Variants in PRDM16 observed in about 807,000 individuals in gnomAD.
PRDM16 encodes histone-lysine N-methyltransferase PRDM16.
In PRDM16, 23 loss-of-function variants were observed where a neutral mutation model predicts 110.6. The ratio of observed to expected loss-of-function variants is 0.21; its 90% CI spans 0.15 to 0.29. The LOEUF (loss-of-function observed/expected upper bound fraction) is 0.29, where lower values mean the gene tolerates loss of function less well. Ranked by LOEUF, PRDM16 falls within the 10% of genes least tolerant of loss-of-function variation. PRDM16 has a pLI of 1.00. For missense variants in PRDM16, 1,615 were observed against 1,794.3 expected (o/e 0.90, Z 1.81); for synonymous variants, 799 against 781.8 (o/e 1.02, Z -0.37).
At chr1:3,314,316 A>T (rs1344921956) in intron 3 of PRDM16, among the ~76,000 whole-genome samples, 1 of 151,996 alleles carries the variant, frequency 6.6e-6, no homozygotes, top group African/African-American at 2.4e-5. Context: ...TGTGCCCTAG[A>T]CTGTTTCTGA....
chr1:3,324,560 G>C (rs1428291210), intron 3 of PRDM16, among the ~76,000 whole-genome samples: 1 of 152,142 alleles, frequency 6.6e-6, no homozygotes. Context: ...AGGTTCCCCT[G>C]TGACAACATC....
chr1:3,394,621 A>AGGGCCCGGGCCAGGCCACCTGCCCC, intron 4 of PRDM16: 1 of 342,794 alleles, frequency 2.9e-6, no homozygotes, highest in Non-Finnish European at 5.9e-6. Context: ...TCTCCTGCCC[A>AGGGCCCGGGCCAGGCCACCTGCCCC]GGGCCCGGGC....
chr1:3,091,807 G>A (rs577839615), intron 1 of PRDM16, among the ~76,000 whole-genome samples: 7 of 152,188 alleles, frequency 4.6e-5, no homozygotes, highest in Non-Finnish European at 7.4e-5. Context: ...CTGATGGAGG[G>A]GCCCCCACTT....
chr1:3,356,829 T>C (rs896053615), intron 3 of PRDM16, among the ~76,000 whole-genome samples: 15 of 152,124 alleles, frequency 9.9e-5, no homozygotes, highest in Admixed American at 9.2e-4. Context: ...GTTCCTTATC[T>C]CCAGCTCTGG....
In PRDM16 at chr1:3,327,294, C is replaced by T. The variant is rs566245021; in HGVS notation, c.439-57858C>T. 7.9e-5 allele frequency among the ~76,000 whole-genome samples: 12 copies of T among 152,282 alleles called. No homozygotes were observed. In the South Asian group the frequency reaches 1.7e-3, roughly 21 times the overall value. The stretch of plus-strand genomic sequence containing the variant: ...CCTGTGAGGTCTTTGCTGGAGGAGG[C>T]GGCACCACAGGCCGGCTGGAGAGGC... On this transcript the variant is annotated intron_variant, in intron 3 of 16. Transcript: ENST00000270722.
rs1314866252 is a variant in PRDM16, at chr1:3,437,766, A to C, written c.*3955A>C. ...ACTTTTGGAAAAAAATAAATAAATA[A>C]ATAAATAAAAGGCAGCTTGAGTTTC... On this transcript the variant is annotated 3_prime_UTR_variant, in exon 17 of 17. Coordinates refer to ENST00000270722, the MANE Select transcript of PRDM16 (RefSeq NM_022114.4). 4.6e-6 allele frequency: 1 copy of C among 218,166 alleles called. No individual in the cohort carries two copies. Among genetic ancestry groups the C allele is most frequent in the African/African-American group, 2.2e-5 (1 of 44,446 alleles). 13.5% of individuals were successfully genotyped at this position (218,166 alleles called of 1,614,324 possible). A position where few individuals can be genotyped will look rare whatever the true frequency, so the allele number is the denominator to read the frequency against.
At chr1:3,252,550 T>C (rs1569930507) in intron 3 of PRDM16, among the ~76,000 whole-genome samples, 1 of 152,032 alleles carries the variant, frequency 6.6e-6, no homozygotes, top group East Asian at 1.9e-4. Context: ...TCGTGGAAGG[T>C]GGTATCTCCC....
chr1:3,174,343 G>A (rs758386886), intron 1 of PRDM16, among the ~76,000 whole-genome samples: 2 of 152,138 alleles, frequency 1.3e-5, no homozygotes, highest in African/African-American at 2.4e-5. Flanking sequence ...TCCGAATCAG[G>A]TCACATTCTG....
rs1177380686 is a variant in PRDM16, at chr1:3,265,419, G to A, written c.438+21282G>A. On this transcript the variant is annotated intron_variant, in intron 3 of 16. Transcript: ENST00000270722. This position sits in a 1 kb window ranked among gnomAD's most constrained non-coding sequence, Gnocchi z 4.5. ...CTGATGATGTGAAGGGCCTAGTAGG[G>A]GCTGAGGTCCTGTCCCAGTAGGGGG... Among the ~76,000 whole-genome samples, 1 of 152,000 alleles carries A rather than the reference G, an allele frequency of 6.6e-6. No homozygotes were observed. The highest frequency in any genetic ancestry group is 1.5e-5 in the Non-Finnish European group (1 of 67,974).
intron 4 of PRDM16, among the ~76,000 whole-genome samples, chr1:3,385,856 G>T (rs930224884): frequency 6.6e-6 from 1 of 152,142 alleles, no homozygotes; most frequent in South Asian, 2.1e-4. Flanking sequence ...CTTCACTTCC[G>T]TCCCTGCCAC....
intron 9 of PRDM16, among the ~76,000 whole-genome samples, chr1:3,413,444 G>A (rs568336426): frequency 1.0e-3 from 152 of 152,170 alleles, no homozygotes; most frequent in African/African-American, 3.4e-3. Context: ...GGGGAAAGGC[G>A]AGTTTAATGC....
At chr1:3,284,292 C>T (rs1285682740) in intron 3 of PRDM16, among the ~76,000 whole-genome samples, 4 of 152,352 alleles carry the variant, frequency 2.6e-5, no homozygotes, top group Non-Finnish European at 4.4e-5. Flanking sequence ...GTTTTCGGCC[C>T]CTGTCTGGCT....
chr1:3,406,511 C>T (rs2100649365), intron 8 of PRDM16, among the ~76,000 whole-genome samples: 1 of 152,150 alleles, frequency 6.6e-6, no homozygotes, highest in East Asian at 1.9e-4. Flanking sequence ...AGGAAGATCA[C>T]CTGAGGCCAG....
chr1:3,163,709 C>T (rs896509392), intron 1 of PRDM16, among the ~76,000 whole-genome samples: 5 of 152,186 alleles, frequency 3.3e-5, no homozygotes, highest in Non-Finnish European at 5.9e-5. Flanking sequence ...GCATCTTTGG[C>T]GTTCCCTAGT....
At chr1:3,138,919 G>C (rs1643491282) in intron 1 of PRDM16, among the ~76,000 whole-genome samples, 2 of 152,170 alleles carry the variant, frequency 1.3e-5, no homozygotes, top group African/African-American at 4.8e-5. Flanking sequence ...GTAAGAGGGA[G>C]GCGGGATGAG....
rs1267181876 is a variant in PRDM16 at position 3,181,114 on chromosome 1, CCTTACACACGCAGT to C, written c.38-5003_38-4990del. On this transcript the variant is annotated intron_variant, in intron 1 of 16. Coordinates refer to ENST00000270722, the MANE Select transcript of PRDM16 (RefSeq NM_022114.4). Reference sequence around the variant, plus strand: ...CTTACACACGCAGTCTTACACGCGGCCTTACACACGCAGTCTTACACGCGGTCTTACACACGCAG... The same window carrying C: ...CTTACACACGCAGTCTTACACGCGGCCTTACACGCGGTCTTACACACGCAG... Among the ~76,000 whole-genome samples, 171 of 76,588 alleles carry C rather than the reference CCTTACACACGCAGT, an allele frequency of 2.2e-3. 4 individuals are homozygous for C. Among genetic ancestry groups the C allele is most frequent in the African/African-American group, 7.9e-3 (165 of 20,956 alleles). The allele number at this position is 76,588 out of a possible 152,430, so 50.2% of individuals were successfully genotyped here.
At chr1:3,297,606 T>C (rs7553849) in intron 3 of PRDM16, among the ~76,000 whole-genome samples, 125,445 of 152,012 alleles carry the variant, frequency 0.83, 52,372 homozygotes, top group East Asian at 0.99. Flanking sequence ...TTTTGAGGAC[T>C]GAGGGTGGCT....
At chr1:3,204,965 G>A (rs765425696) in intron 2 of PRDM16, among the ~76,000 whole-genome samples, 2 of 152,192 alleles carry the variant, frequency 1.3e-5, no homozygotes, top group African/African-American at 4.8e-5. Context: ...GATTGTTATC[G>A]AATTAGTTGA....
In PRDM16 at chr1:3,431,018, C is replaced by A. The variant is rs755257030; in HGVS notation, c.3431C>A (p.Ser1144Tyr). The change falls in exon 15 of 17, where the codon TCC becomes TAC. Residue 1144 changes from serine to tyrosine, a missense_variant. Ser to Tyr is a moderately radical substitution (Grantham distance 144, BLOSUM62 -2). Coordinates refer to ENST00000270722, the MANE Select transcript of PRDM16 (RefSeq NM_022114.4). ...LAGKSQDDTV[S>Y]PAPEPQAAYE... ...GGGAAGTCGCAGGATGACACCGTGT[C>A]CCCCGCACCCGAGCCCCAGGCCGCC... 43 of 1,576,928 alleles carry A rather than the reference C, an allele frequency of 2.7e-5. No individual in the cohort carries two copies. The East Asian group carries it at 9.6e-4, about 35-fold the overall frequency.
Sources: gnomAD v4.1 joint callset for allele counts (sites outside exome capture counted in the v4.1 genomes callset) on GRCh38, gnomAD v4.1.1 for gene constraint, Gnocchi (gnomAD v3.1) non-coding constraint, MANE v1.5 for transcripts, NCBI Gene and HGNC (gene_info 2026-07-23, HGNC 2026-07-21) for gene names.